The following NAA15 variants were observed in gnomAD, a reference collection of about 807,000 sequenced individuals.
The protein encoded by NAA15 is N-alpha-acetyltransferase 15, NatA auxiliary subunit.
In NAA15, 34 loss-of-function variants were observed where a neutral mutation model predicts 114.0. That is an observed-to-expected ratio of 0.30 (90% confidence interval 0.23 to 0.40). The LOEUF (loss-of-function observed/expected upper bound fraction) is 0.40. Ranked by LOEUF, NAA15 falls within the 10% of genes least tolerant of loss-of-function variation. The probability of loss-of-function intolerance (pLI) is 1.00; values close to 1 mark genes in which losing one functional copy is unlikely to be tolerated. For missense variants in NAA15, 658 were observed against 1,004.5 expected (o/e 0.66, Z 4.66); for synonymous variants, 340 against 338.0 (o/e 1.01, Z -0.06).
rs1046078924 is a variant in NAA15, at chr4:139,370,201, T to C, written c.1754-10T>C. 2.7e-6 allele frequency: 4 copies of C among 1,508,054 alleles called. No individual in the cohort carries two copies. The highest frequency in any genetic ancestry group is 2.3e-5 in the East Asian group (1 of 43,008). 93.4% of individuals were successfully genotyped at this position (1,508,054 alleles called of 1,614,324 possible). ...CTTGTTAATTTTATTAATTAACTTA[T>C]TGCCTGCAGCAAACATGTCTGACAA... On this transcript the variant is annotated splice_polypyrimidine_tract_variant and intron_variant, in intron 14 of 19. Transcript: ENST00000296543.
Position 139,377,109 on chromosome 4 carries a change from G to A in NAA15, c.2056+636G>A, listed in dbSNP as rs952753248. ...AAGTGGTTAATTGAAAAAAGAGTTC[G>A]TCACAAAGGTGATGCATATTAAAGG... is the stretch of plus-strand genomic sequence containing the variant. On this transcript the variant is annotated intron_variant, in intron 16 of 19. Coordinates refer to ENST00000296543, the MANE Select transcript of NAA15 (RefSeq NM_057175.5). Among the ~76,000 whole-genome samples, 6 of 152,110 alleles carry A rather than the reference G, an allele frequency of 3.9e-5. No individual in the cohort carries two copies. The South Asian group carries it at 6.2e-4, about 16-fold the overall frequency.
At chr4:139,314,737 G>A (rs1171764336) in intron 1 of NAA15, among the ~76,000 whole-genome samples, 3 of 151,868 alleles carry the variant, frequency 2.0e-5, no homozygotes, top group Non-Finnish European at 4.4e-5. Context: ...GAGTGCAGTC[G>A]CATGATCTTG....
rs1381873563 is a variant in NAA15 at position 139,390,692 on chromosome 4, T to C, written c.*2608T>C. ...AAAACTAAAATCTGACTAGGTTAGT[T>C]TACTCAGCTTTAATTAGATAGTTGA... On this transcript the variant is annotated 3_prime_UTR_variant, in exon 20 of 20. Transcript: ENST00000296543. 6.6e-6 allele frequency: 1 copy of C among 152,406 alleles called. No individual in the cohort carries two copies. Among genetic ancestry groups the C allele is most frequent in the African/African-American group, 2.4e-5 (1 of 41,470 alleles). The allele number at this position is 152,406 out of a possible 1,614,324, so 9.4% of individuals were successfully genotyped here.
chr4:139,374,556 C>T (rs1165947572), intron 15 of NAA15, among the ~76,000 whole-genome samples: 1 of 152,114 alleles, frequency 6.6e-6, no homozygotes, highest in African/African-American at 2.4e-5. Context: ...ATTTTTATAT[C>T]TGCCTGTCTT....
chr4:139,325,052 G>A (rs1746747953), intron 1 of NAA15, among the ~76,000 whole-genome samples: 1 of 152,108 alleles, frequency 6.6e-6, no homozygotes, highest in Non-Finnish European at 1.5e-5. Flanking sequence ...CTCAGTTACT[G>A]TTCTAAGTAT....
chr4:139,340,988 A>G lies in NAA15; in HGVS notation c.321A>G (p.Leu107=). ...CCATTAAGTGTTACAGAAATGCACT[A>G]AAATGGGATAAAGACAATCTTCAAA... The part of the protein sequence containing the change: ...DEAIKCYRNA[L]KWDKDNLQIL... The change falls in exon 4 of 20, where the codon CTA becomes CTG. Residue 107 remains leucine, a synonymous_variant. Coordinates refer to ENST00000296543, the MANE Select transcript of NAA15 (RefSeq NM_057175.5). 1 of 1,610,290 alleles carries G rather than the reference A, an allele frequency of 6.2e-7. No homozygotes were observed. Among genetic ancestry groups the G allele is most frequent in the Non-Finnish European group, 8.5e-7 (1 of 1,178,402 alleles).
At chr4:139,319,208 C>T (rs534026089) in intron 1 of NAA15, among the ~76,000 whole-genome samples, 11 of 152,232 alleles carry the variant, frequency 7.2e-5, no homozygotes, top group Non-Finnish European at 1.5e-4. Flanking sequence ...GCAGGACAGT[C>T]GTTTAAACCC....
chr4:139,386,701 A>C (rs914662875), intron 19 of NAA15, among the ~76,000 whole-genome samples: 1 of 152,040 alleles, frequency 6.6e-6, no homozygotes, highest in Non-Finnish European at 1.5e-5. Context: ...GTGGCACTGT[A>C]TTCCCAGCTA....
At chr4:139,319,744 C>G (rs1384019561) in intron 1 of NAA15, among the ~76,000 whole-genome samples, 1 of 152,120 alleles carries the variant, frequency 6.6e-6, no homozygotes, top group South Asian at 2.1e-4. Context: ...AGTTCTATTT[C>G]TTAATATTGT....
intron 4 of NAA15, 121 bp downstream of exon 4, chr4:139,341,190 C>A: frequency 1.5e-6 from 1 of 654,340 alleles, no homozygotes; most frequent in Non-Finnish European, 2.3e-6. Context: ...ATTTTTTTTT[C>A]CTCCTACCAC....
At chr4:139,367,066 C>A (rs547197753) in intron 14 of NAA15, among the ~76,000 whole-genome samples, 1 of 152,258 alleles carries the variant, frequency 6.6e-6, no homozygotes, top group East Asian at 1.9e-4. Flanking sequence ...TTATTTTTAA[C>A]CTTAAGTGTG....
intron 6 of NAA15, among the ~76,000 whole-genome samples, chr4:139,348,822 A>G (rs992082075): frequency 2.0e-5 from 3 of 152,220 alleles, no homozygotes; most frequent in Non-Finnish European, 4.4e-5. Context: ...GGGGCTGCTA[A>G]TATCATTCAG....
At chr4:139,385,285 T>TATATATATATATATATATA (rs1748872732) in intron 18 of NAA15, among the ~76,000 whole-genome samples, 1 of 97,406 alleles carries the variant, frequency 1.0e-5, no homozygotes, top group Non-Finnish European at 2.3e-5. Context: ...ATATATATAA[T>TATATATATATATATATATA]ATATATATAT....
At chr4:139,384,746 C>A (rs748699797) in intron 17 of NAA15, 86 bp from the exon 18 acceptor site, 93 of 895,278 alleles carry the variant, frequency 1.0e-4, no homozygotes, top group Non-Finnish European at 1.4e-4. Flanking sequence ...TAGAGCAAGA[C>A]CCTGTCTCAA....
chr4:139,320,003 T>TA (rs929757973), intron 1 of NAA15, among the ~76,000 whole-genome samples: 1 of 152,190 alleles, frequency 6.6e-6, no homozygotes, highest in Admixed American at 6.5e-5. Flanking sequence ...ATTTTCTCCT[T>TA]AAAAAAATTG....
At chr4:139,327,515 A>G (rs939053081) in intron 1 of NAA15, among the ~76,000 whole-genome samples, 7 of 152,142 alleles carry the variant, frequency 4.6e-5, no homozygotes, top group Admixed American at 3.9e-4. Flanking sequence ...TGGCCTCCCA[A>G]AGTGCTGGAA....
At chr4:139,375,802 T>G (rs1015977758) in intron 15 of NAA15, among the ~76,000 whole-genome samples, 5 of 152,286 alleles carry the variant, frequency 3.3e-5, no homozygotes, top group Admixed American at 1.3e-4. Flanking sequence ...ATTTATGTAA[T>G]TAATAAAAAT....
At chr4:139,344,626 A>G (rs564691071) in intron 6 of NAA15, among the ~76,000 whole-genome samples, 104 of 152,336 alleles carry the variant, frequency 6.8e-4, no homozygotes, top group Middle Eastern at 3.4e-3. Context: ...ATGGAATTTG[A>G]TCAAAACACA....
chr4:139,362,828 G>T (rs1748173126), intron 14 of NAA15, among the ~76,000 whole-genome samples: 1 of 151,898 alleles, frequency 6.6e-6, no homozygotes, highest in African/African-American at 2.4e-5. Flanking sequence ...ACAAAAATAT[G>T]AATTTTGTGC....
Sources: allele counts gnomAD v4.1 joint callset (sites outside exome capture counted in the v4.1 genomes callset), GRCh38; gene constraint gnomAD v4.1.1; transcripts MANE v1.5; gene names NCBI Gene and HGNC (gene_info 2026-07-23, HGNC 2026-07-21).